The following AATF variants were observed in gnomAD, a reference collection of about 807,000 sequenced individuals.
AATF encodes protein AATF.
Under a neutral mutation model 63.7 loss-of-function variants are expected in AATF, and 48 were observed. The observed-to-expected ratio is 0.75, with a 90% CI of 0.60 to 0.96. The LOEUF is 0.96. AATF is among the 40% of genes least tolerant of loss of function. AATF has a pLI of 0.00. For synonymous variants in AATF, 258 were observed against 247.7 expected (o/e 1.04, Z -0.39); for missense variants, 639 against 685.7 (o/e 0.93, Z 0.76).
chr17:36,987,535 C>T (rs945614421), intron 5 of AATF, among the ~76,000 whole-genome samples: 2 of 151,952 alleles, frequency 1.3e-5, no homozygotes, highest in African/African-American at 2.4e-5. Context: ...TTTTTTCCCT[C>T]GAGCTTATCT....
chr17:36,961,241 C>T (rs907580089), intron 4 of AATF, among the ~76,000 whole-genome samples: 1 of 152,098 alleles, frequency 6.6e-6, no homozygotes, highest in Non-Finnish European at 1.5e-5. Flanking sequence ...TAGGTTTATT[C>T]TAGCTATTCA....
intron 8 of AATF, among the ~76,000 whole-genome samples, chr17:36,996,395 C>T (rs2071255252): frequency 6.6e-6 from 1 of 152,132 alleles, no homozygotes; most frequent in Non-Finnish European, 1.5e-5. Flanking sequence ...GATCGCATCA[C>T]TACACTCCAG....
chr17:37,010,317 G>A (rs890600046), intron 8 of AATF, among the ~76,000 whole-genome samples: 1 of 152,164 alleles, frequency 6.6e-6, no homozygotes, highest in African/African-American at 2.4e-5. Context: ...AATTAGCCGG[G>A]CGTGGTGGTG....
chr17:37,016,502 C>T (rs1470215454), intron 8 of AATF, among the ~76,000 whole-genome samples: 1 of 152,152 alleles, frequency 6.6e-6, no homozygotes, highest in East Asian at 1.9e-4. Context: ...GGAATTTTAA[C>T]AGACTAGAGC....
chr17:37,056,784 T>G lies in AATF; in HGVS notation c.*120T>G. ...GGGAAGCCCCTGGAAAGATGCTGCG[T>G]TCCGAACCTGTGCCTAATACACGCA... On this transcript the variant is annotated 3_prime_UTR_variant, in exon 12 of 12. Transcript: ENST00000619387. 3.6e-6 allele frequency: 4 copies of G among 1,120,086 alleles called. No individual in the cohort carries two copies. The highest frequency in any genetic ancestry group is 5.2e-6 in the Non-Finnish European group (4 of 775,158). 69.4% of individuals were successfully genotyped at this position (1,120,086 alleles called of 1,614,324 possible).
intron 8 of AATF, among the ~76,000 whole-genome samples, chr17:36,997,485 G>A (rs937054958): frequency 2.0e-5 from 3 of 152,064 alleles, no homozygotes; most frequent in African/African-American, 4.8e-5. Flanking sequence ...ACTCAGCATC[G>A]CTAATGATCA....
chr17:36,985,664 C>T (rs1182301396), intron 4 of AATF, among the ~76,000 whole-genome samples: 1 of 152,032 alleles, frequency 6.6e-6, no homozygotes, highest in Non-Finnish European at 1.5e-5. Context: ...CAGCCTCAGC[C>T]TCCCAAGTAG....
chr17:36,970,626 G>A (rs2071032382), intron 4 of AATF, among the ~76,000 whole-genome samples: 1 of 149,970 alleles, frequency 6.7e-6, no homozygotes, highest in Admixed American at 6.7e-5. Context: ...CTGCAGCACT[G>A]AGCTCCTGGC....
At chr17:37,042,355 A>G (rs931403579) in intron 11 of AATF, among the ~76,000 whole-genome samples, 14 of 151,658 alleles carry the variant, frequency 9.2e-5, no homozygotes, top group African/African-American at 2.4e-4. Context: ...ATATTATTCA[A>G]TGATCTTCAC....
intron 1 of AATF, among the ~76,000 whole-genome samples, chr17:36,949,792 AAGG>A (rs2070838438): frequency 6.6e-6 from 1 of 152,224 alleles, no homozygotes; most frequent in Non-Finnish European, 1.5e-5. Context: ...AAGGGATAAT[AAGG>A]AGGGATAAAT....
intron 8 of AATF, among the ~76,000 whole-genome samples, chr17:37,001,488 C>T (rs570769486): frequency 6.8e-6 from 1 of 147,828 alleles, no homozygotes; most frequent in South Asian, 2.1e-4. Flanking sequence ...AAAAGGATTA[C>T]ACACCATGAC....
intron 10 of AATF, among the ~76,000 whole-genome samples, chr17:37,028,852 G>A (rs931489865): frequency 1.3e-5 from 2 of 152,034 alleles, no homozygotes; most frequent in Admixed American, 6.6e-5. Context: ...ATGAAAATAG[G>A]GTACTTCTGT....
intron 4 of AATF, among the ~76,000 whole-genome samples, chr17:36,963,237 T>C (rs1208268884): frequency 6.6e-6 from 1 of 152,228 alleles, no homozygotes; most frequent in African/African-American, 2.4e-5. Context: ...TGGATTCTTT[T>C]ATTGCCTTGG....
intron 1 of AATF, 53 bp downstream of exon 1, chr17:36,949,269 G>A (rs2042022775): frequency 9.3e-6 from 14 of 1,506,128 alleles, no homozygotes; most frequent in African/African-American, 1.4e-5. Context: ...AGGCCCTGTG[G>A]GGCAAGGGGG....
At chr17:36,973,077 G>A (rs1478237196) in intron 4 of AATF, among the ~76,000 whole-genome samples, 3 of 152,144 alleles carry the variant, frequency 2.0e-5, no homozygotes, top group Admixed American at 2.0e-4. Context: ...AAGTTTCTCA[G>A]TTGTAAGGGC....
chr17:36,961,904 A>G (rs570470641), intron 4 of AATF, among the ~76,000 whole-genome samples: 1 of 152,188 alleles, frequency 6.6e-6, no homozygotes, highest in Non-Finnish European at 1.5e-5. Flanking sequence ...TGAACTCCTG[A>G]CCTCAGGTAA....
At chr17:36,962,887 C>T (rs919627960) in intron 4 of AATF, among the ~76,000 whole-genome samples, 2 of 152,096 alleles carry the variant, frequency 1.3e-5, no homozygotes, top group Non-Finnish European at 1.5e-5. Context: ...TTTGGGAGGC[C>T]GAGGCAGGCG....
In AATF at chr17:36,989,235, A is replaced by G; in HGVS notation, c.1150-12A>G. 6.2e-7 allele frequency: 1 copy of G among 1,608,956 alleles called. No individual in the cohort carries two copies. The highest frequency in any genetic ancestry group is 8.5e-7 in the Non-Finnish European group (1 of 1,176,782). On this transcript the variant is annotated splice_polypyrimidine_tract_variant and intron_variant, in intron 6 of 11. Coordinates refer to ENST00000619387, the MANE Select transcript of AATF (RefSeq NM_012138.4). ...TTTCTGCATTATCTGACACTGCTTA[A>G]TGTTGTTGCAGGGTTTTGGTGCCTT...
At chr17:37,029,318 A>G (rs1189603029) in intron 10 of AATF, among the ~76,000 whole-genome samples, 2 of 151,790 alleles carry the variant, frequency 1.3e-5, no homozygotes, top group East Asian at 3.9e-4. Context: ...ATCTCGGCTC[A>G]CTGCACCCTC....
Sources: gnomAD v4.1 joint callset for allele counts (sites outside exome capture counted in the v4.1 genomes callset) on GRCh38, gnomAD v4.1.1 for gene constraint, MANE v1.5 for transcripts, NCBI Gene and HGNC (gene_info 2026-07-23, HGNC 2026-07-21) for gene names.